Variants in DYSF observed in about 807,000 individuals in gnomAD.
DYSF encodes the protein dysferlin.
A neutral mutation model predicts 274.9 loss-of-function variants in DYSF; 212 were observed. That is an observed-to-expected ratio of 0.77 (90% CI 0.69 to 0.86). The LOEUF (loss-of-function observed/expected upper bound fraction) is 0.86. Among genes scored for constraint, DYSF ranks in the 40% least tolerant of loss-of-function variants. The pLI is 0.00. For missense variants in DYSF, 2,666 were observed against 2,783.2 expected, an observed-to-expected ratio of 0.96 and a Z score of 0.95; for synonymous variants, 1,091 against 1,078.7, an observed-to-expected ratio of 1.01 and a Z score of -0.22.
chr2:71,529,081 G>T lies in DYSF; in HGVS notation c.1380+680G>T, dbSNP rs1032716573. Among the ~76,000 whole-genome samples the T allele has an allele frequency of 3.3e-5, 5 of 152,230 alleles. No individual in the cohort carries two copies. The East Asian group carries it at 9.7e-4, about 29-fold the overall frequency. ...CCTCTCTGTGCCTCTAAACAGTTCCGCCTGCTGCCCCTCTGAGCCCTGGAG... is the reference window on the plus strand; with the variant it reads ...CCTCTCTGTGCCTCTAAACAGTTCCTCCTGCTGCCCCTCTGAGCCCTGGAG... On this transcript the variant is annotated intron_variant, in intron 14 of 55. Coordinates refer to ENST00000410020, the MANE Select transcript of DYSF (RefSeq NM_001130987.2).
chr2:71,551,634 C>T lies in DYSF; in HGVS notation c.1720C>T (p.Leu574Phe). 1.9e-6 allele frequency: 3 copies of T among 1,609,162 alleles called. No individual in the cohort carries two copies. Among genetic ancestry groups the T allele is most frequent in the Non-Finnish European group, 2.5e-6 (3 of 1,178,886 alleles). ...KGEGVAYRGR[L>F]LLSLETKLVE... ...GGAAGGTGTGGCTTATCGTGGCCGG[C>T]TTCTGCTCTCCCTGGAGACCAAGCT... is the stretch of plus-strand genomic sequence containing the variant. Residue 574 changes from leucine (L) to phenylalanine (F), a missense_variant, in exon 19 of 56, where the codon CTT becomes TTT. By Grantham distance (22) the Leu-to-Phe change is conservative. This residue lies in a region of DYSF where 794 missense variants were observed against 777.1 expected (regional missense o/e 1.02). Transcript: ENST00000410020.
At chr2:71,511,038 C>T (rs146469387) in intron 4 of DYSF, among the ~76,000 whole-genome samples, 7 of 151,878 alleles carry the variant, frequency 4.6e-5, no homozygotes, top group South Asian at 2.1e-4. Flanking sequence ...CCTGTGGAGC[C>T]GGGACAGGGC....
intron 29 of DYSF, among the ~76,000 whole-genome samples, chr2:71,573,947 C>A (rs1451790964): frequency 6.6e-6 from 1 of 152,146 alleles, no homozygotes; most frequent in African/African-American, 2.4e-5. Flanking sequence ...CTCAGCCTCC[C>A]TGGTAGCTGG....
chr2:71,611,345 AGG>A lies in DYSF; in HGVS notation c.4059_4059+1del. On this transcript the variant is annotated splice_donor_variant and coding_sequence_variant, in exon 37 of 56. Transcript: ENST00000410020. LOFTEE classifies it high-confidence loss of function. ...CCAGCGCTCCAGCGTACCGCCATCG[AGG>A]TGAGCCGTCCGGGCCTGGGCGTGGG... 1 of 1,613,686 alleles carries A rather than the reference AGG, an allele frequency of 6.2e-7. No individual in the cohort carries two copies. Among genetic ancestry groups the A allele is most frequent in the South Asian group, 1.1e-5 (1 of 91,070 alleles).
At position 71,484,045 on chromosome 2, in the gene DYSF, CTTTTTTTTTTTTT is replaced by C. The variant is rs59780652; in HGVS notation, c.239+2088_239+2100del. On this transcript the variant is annotated intron_variant, in intron 3 of 55. Coordinates refer to ENST00000410020, the MANE Select transcript of DYSF (RefSeq NM_001130987.2). ...TTACAGGCTCTGTGGGGAGATTTCCCTTTTTTTTTTTTTTTTTTTTTTTTTGAGACGAAGTCTT... is the reference window on the plus strand; with the variant it reads ...TTACAGGCTCTGTGGGGAGATTTCCCTTTTTTTTTTTTGAGACGAAGTCTT... Among the ~76,000 whole-genome samples, 4 of 67,550 alleles carry C rather than the reference CTTTTTTTTTTTTT, an allele frequency of 5.9e-5. No individual in the cohort carries two copies. The South Asian group carries it at 3.1e-3, about 52-fold the overall frequency. The allele number at this position is 67,550 out of a possible 152,430, so 44.3% of individuals were successfully genotyped here. A position where few individuals can be genotyped will look rare whatever the true frequency, so the allele number is the denominator to read the frequency against.
At chr2:71,476,176 C>T (rs2082377787) in intron 1 of DYSF, among the ~76,000 whole-genome samples, 1 of 152,200 alleles carries the variant, frequency 6.6e-6, no homozygotes, top group Non-Finnish European at 1.5e-5. Flanking sequence ...AAGAGGCTAT[C>T]TGCCTTTTTT....
intron 45 of DYSF, among the ~76,000 whole-genome samples, chr2:71,662,200 A>G (rs905076981): frequency 9.2e-5 from 14 of 152,214 alleles, no homozygotes; most frequent in African/African-American, 3.1e-4. Flanking sequence ...GACGAACACA[A>G]CGCATGAGGT....
At chr2:71,677,481 T>TG (rs2095240429) in intron 52 of DYSF, among the ~76,000 whole-genome samples, 1 of 152,156 alleles carries the variant, frequency 6.6e-6, no homozygotes, top group Non-Finnish European at 1.5e-5. Flanking sequence ...CAAAGATAGT[T>TG]AAATACAAGA....
chr2:71,633,055 G>A (rs984236927), intron 41 of DYSF, among the ~76,000 whole-genome samples: 15 of 152,360 alleles, frequency 9.8e-5, no homozygotes, highest in African/African-American at 3.4e-4. Context: ...CCCCTCCACA[G>A]ATGAGGAGGC....
intron 48 of DYSF, 147 bp from the exon 49 acceptor site, chr2:71,668,607 G>T: frequency 2.7e-6 from 2 of 737,224 alleles, no homozygotes; most frequent in Non-Finnish European, 4.5e-6. Flanking sequence ...GGTTGACCCT[G>T]TAGTCCCCTG....
intron 17 of DYSF, among the ~76,000 whole-genome samples, chr2:71,542,777 A>G (rs1385893477): frequency 6.6e-6 from 1 of 152,210 alleles, no homozygotes; most frequent in Non-Finnish European, 1.5e-5. Flanking sequence ...ACTTCTCTCC[A>G]CACAGACACA....
chr2:71,519,669 A>G (rs1482472627), intron 10 of DYSF, among the ~76,000 whole-genome samples: 1 of 151,144 alleles, frequency 6.6e-6, no homozygotes, highest in African/African-American at 2.4e-5. Flanking sequence ...TTTGAGACGG[A>G]TTTTTGCTCT....
intron 32 of DYSF, among the ~76,000 whole-genome samples, chr2:71,594,666 T>C (rs2093357534): frequency 6.6e-6 from 1 of 152,134 alleles, no homozygotes; most frequent in South Asian, 2.1e-4. Context: ...GCCAGACCAA[T>C]GGCTTGCTGA....
At chr2:71,620,646 T>C (rs1407192586) in intron 41 of DYSF, 37 bp downstream of exon 41, 7 of 1,342,094 alleles carry the variant, frequency 5.2e-6, no homozygotes, top group Non-Finnish European at 7.0e-6. Flanking sequence ...CTCCTTGTAT[T>C]CCCTTGTGGG....
At chr2:71,498,161 A>G (rs113990410) in intron 3 of DYSF, among the ~76,000 whole-genome samples, 2,863 of 152,168 alleles carry the variant, frequency 0.019, 107 homozygotes, top group African/African-American at 0.066. Context: ...GTCCCCGGAA[A>G]GGCCTGGGCA....
intron 12 of DYSF, among the ~76,000 whole-genome samples, chr2:71,522,749 A>G (rs2087435870): frequency 1.3e-5 from 2 of 152,102 alleles, no homozygotes; most frequent in Admixed American, 6.6e-5. Context: ...AGCCTGTATC[A>G]TTTGCTGCCC....
At chr2:71,605,893 T>C (rs1051267328) in intron 36 of DYSF, among the ~76,000 whole-genome samples, 2 of 152,120 alleles carry the variant, frequency 1.3e-5, no homozygotes, top group Non-Finnish European at 2.9e-5. Flanking sequence ...ATATTGTTCC[T>C]AACGAGCTGG....
chr2:71,661,077 A>G (rs1467354753), intron 45 of DYSF, among the ~76,000 whole-genome samples: 2 of 148,842 alleles, frequency 1.3e-5, no homozygotes, highest in African/African-American at 5.0e-5. Flanking sequence ...TGATCAAACT[A>G]CTGCACTCCA....
intron 9 of DYSF, 104 bp downstream of exon 9, chr2:71,516,346 G>T: frequency 9.0e-7 from 1 of 1,113,766 alleles, no homozygotes; most frequent in Middle Eastern, 2.3e-4. Flanking sequence ...GTGCACGTCA[G>T]TGTGAATGCG....
Sources: gnomAD v4.1 joint callset for allele counts (sites outside exome capture counted in the v4.1 genomes callset) on GRCh38, gnomAD v4.1.1 for gene constraint, gnomAD v4.1.1 regional missense constraint, MANE v1.5 for transcripts, NCBI Gene and HGNC (gene_info 2026-07-23, HGNC 2026-07-21) for gene names.